The following TMEM178B variants were observed in gnomAD, a reference collection of about 807,000 sequenced individuals.
TMEM178B encodes transmembrane protein 178B.
TMEM178B carries 5 observed loss-of-function variants against 31.0 expected under a neutral mutation model. The observed-to-expected ratio is 0.16, with a 90% CI of 0.08 to 0.34. TMEM178B has a LOEUF of 0.34. Among genes scored for constraint, TMEM178B ranks in the 10% least tolerant of loss-of-function variants. The probability of loss-of-function intolerance (pLI) is 1.00; values close to 1 mark genes in which losing one functional copy is unlikely to be tolerated. For missense variants in TMEM178B, 275 were observed against 400.3 expected (o/e 0.69, Z 2.67); for synonymous variants, 164 against 164.0 (o/e 1.00, Z 0.00).
At chr7:141,131,972 T>C (rs1795602513) in intron 1 of TMEM178B, among the ~76,000 whole-genome samples, 1 of 152,146 alleles carries the variant, frequency 6.6e-6, no homozygotes, top group South Asian at 2.1e-4. Flanking sequence ...CATGTTAGTA[T>C]GGTCATGAGT....
At chr7:141,372,142 T>A (rs1800128809) in intron 2 of TMEM178B, among the ~76,000 whole-genome samples, 1 of 152,042 alleles carries the variant, frequency 6.6e-6, no homozygotes, top group African/African-American at 2.4e-5. Flanking sequence ...CTCTCACCAC[T>A]CCCTCACAAA....
intron 1 of TMEM178B, among the ~76,000 whole-genome samples, chr7:141,190,087 A>G (rs1162251538): frequency 6.6e-6 from 1 of 152,256 alleles, no homozygotes; most frequent in Non-Finnish European, 1.5e-5. Flanking sequence ...ATAAAAGGAT[A>G]AACAGATGTT....
At chr7:141,195,770 G>A (rs181894412) in intron 1 of TMEM178B, among the ~76,000 whole-genome samples, 6 of 152,318 alleles carry the variant, frequency 3.9e-5, no homozygotes, top group Admixed American at 3.9e-4. Flanking sequence ...AAGAAAAAGA[G>A]ATTTCATTGA....
intron 2 of TMEM178B, among the ~76,000 whole-genome samples, chr7:141,366,471 G>A (rs1485450430): frequency 6.6e-6 from 1 of 152,140 alleles, no homozygotes; most frequent in Non-Finnish European, 1.5e-5. Context: ...TGTGTTTAAG[G>A]CCTCTTTGTT....
At chr7:141,187,695 A>G (rs1461546669) in intron 1 of TMEM178B, among the ~76,000 whole-genome samples, 1 of 152,236 alleles carries the variant, frequency 6.6e-6, no homozygotes, top group Non-Finnish European at 1.5e-5. Flanking sequence ...ATGGCCAGTG[A>G]TGATGAGCAT....
At chr7:141,157,741 A>G (rs1050546908) in intron 1 of TMEM178B, among the ~76,000 whole-genome samples, 5 of 152,206 alleles carry the variant, frequency 3.3e-5, no homozygotes, top group African/African-American at 1.2e-4. Flanking sequence ...GCGAGGTAAC[A>G]GTGATGACGC....
At chr7:141,394,242 C>T (rs1268947818) in intron 2 of TMEM178B, among the ~76,000 whole-genome samples, 1 of 152,248 alleles carries the variant, frequency 6.6e-6, no homozygotes, top group Non-Finnish European at 1.5e-5. Context: ...AGCTTCTTCA[C>T]CCCCGCCTGT....
intron 3 of TMEM178B, among the ~76,000 whole-genome samples, chr7:141,454,546 T>TCTCTCCTC (rs1801926109): frequency 9.0e-6 from 1 of 111,532 alleles, no homozygotes; most frequent in Non-Finnish European, 2.2e-5. Flanking sequence ...TCCTCTCCTC[T>TCTCTCCTC]TCTCTCCTCT....
At chr7:141,508,008 C>T in the TMEM178B span, among the ~76,000 whole-genome samples, 156 of 152,300 alleles carry the variant, frequency 1.0e-3, no homozygotes, top group Admixed American at 1.8e-3. Context: ...TTCTGCAGCC[C>T]GCTTGAATTT....
At chr7:141,266,949 C>T (rs1563136221) in intron 2 of TMEM178B, among the ~76,000 whole-genome samples, 2 of 152,188 alleles carry the variant, frequency 1.3e-5, no homozygotes, top group African/African-American at 4.8e-5. Flanking sequence ...GTCCACAAGC[C>T]CACAGGGCCT....
At chr7:141,196,063 C>T (rs953954241) in intron 1 of TMEM178B, among the ~76,000 whole-genome samples, 8 of 152,140 alleles carry the variant, frequency 5.3e-5, no homozygotes, top group Non-Finnish European at 8.8e-5. Context: ...CAAAGCATAT[C>T]AGTATGATAC....
At position 141,158,905 on chromosome 7, in the gene TMEM178B, T is replaced by G. The variant is rs144764531; in HGVS notation, c.383-53686T>G. Among the ~76,000 whole-genome samples the G allele has an allele frequency of 5.9e-4, 90 of 152,244 alleles. No homozygotes were observed. In the East Asian group the frequency reaches 6.7e-3, roughly 11 times the overall value. Reference sequence around the variant, plus strand: ...GAGGCAGACAGGGAGCCTGAGAGAATGAAGGTTAAATGGAAATTTAGGATT... The same window carrying G: ...GAGGCAGACAGGGAGCCTGAGAGAAGGAAGGTTAAATGGAAATTTAGGATT... On this transcript the variant is annotated intron_variant, in intron 1 of 3. Coordinates refer to ENST00000565468, the MANE Select transcript of TMEM178B (RefSeq NM_001195278.2).
rs1390379420 is a variant in TMEM178B, at chr7:141,474,343, G to A, written c.*3557G>A. On this transcript the variant is annotated 3_prime_UTR_variant, in exon 4 of 4. Coordinates refer to ENST00000565468, the MANE Select transcript of TMEM178B (RefSeq NM_001195278.2). ...GCATCAACTTTGGTCAATTAACATA[G>A]ACAAGTGATTCATCTGTAGAGAGGC... is the stretch of plus-strand genomic sequence containing the variant. 2.6e-5 allele frequency: 4 copies of A among 152,090 alleles called. No individual in the cohort carries two copies. Among genetic ancestry groups the A allele is most frequent in the Non-Finnish European group, 4.4e-5 (3 of 68,032 alleles). 9.4% of individuals were successfully genotyped at this position (152,090 alleles called of 1,614,324 possible).
In TMEM178B at chr7:141,476,876, G is replaced by A. The variant is rs1041187228; in HGVS notation, c.*6090G>A. The A allele has an allele frequency of 1.3e-5, 2 of 154,862 alleles. No individual in the cohort carries two copies. Among genetic ancestry groups the A allele is most frequent in the Admixed American group, 1.3e-4 (2 of 15,294 alleles). 9.6% of individuals were successfully genotyped at this position (154,862 alleles called of 1,614,324 possible). ...GTAACGGGGGAGCCACCCAACTGCA[G>A]GGGGGTGTATGTTCAGGTGTGAAAA... On this transcript the variant is annotated 3_prime_UTR_variant, in exon 4 of 4. Transcript: ENST00000565468.
At chr7:141,408,032 G>A (rs889988754) in intron 2 of TMEM178B, among the ~76,000 whole-genome samples, 11 of 152,268 alleles carry the variant, frequency 7.2e-5, no homozygotes, top group South Asian at 6.2e-4. Flanking sequence ...TACACACATC[G>A]CTCAGTAAGA....
At position 141,335,583 on chromosome 7, in the gene TMEM178B, A is replaced by C. The variant is rs527849993; in HGVS notation, c.497-102025A>C. On this transcript the variant is annotated intron_variant, in intron 2 of 3. Coordinates refer to ENST00000565468, the MANE Select transcript of TMEM178B (RefSeq NM_001195278.2). ...CCAGCTCATGAGAAGTTTTCATGAG[A>C]AGCTCATGAAAACAGTAACAGTACA... Among the ~76,000 whole-genome samples the C allele has an allele frequency of 1.8e-3, 271 of 152,244 alleles. 2 individuals are homozygous for C. The highest frequency in any genetic ancestry group is 6.3e-3 in the African/African-American group (260 of 41,524).
intron 2 of TMEM178B, among the ~76,000 whole-genome samples, chr7:141,343,398 G>A (rs1052328840): frequency 6.6e-6 from 1 of 152,114 alleles, no homozygotes; most frequent in Non-Finnish European, 1.5e-5. Flanking sequence ...ATGTCTGCCT[G>A]TGGCCCATTG....
intron 2 of TMEM178B, among the ~76,000 whole-genome samples, chr7:141,358,585 T>A (rs1244513398): frequency 6.6e-6 from 1 of 152,102 alleles, no homozygotes; most frequent in Non-Finnish European, 1.5e-5. Context: ...CTCAGTCCCA[T>A]GAAAACTCAT....
At chr7:141,291,028 C>G (rs1429367803) in intron 2 of TMEM178B, among the ~76,000 whole-genome samples, 2 of 152,228 alleles carry the variant, frequency 1.3e-5, no homozygotes, top group East Asian at 1.9e-4. Context: ...ATTGCTTTCT[C>G]TACCATTTGG....
Sources: allele counts gnomAD v4.1 joint callset (sites outside exome capture counted in the v4.1 genomes callset), GRCh38; gene constraint gnomAD v4.1.1; transcripts MANE v1.5; gene names NCBI Gene and HGNC (gene_info 2026-07-23, HGNC 2026-07-21).